PIK3C2G: variants seen among roughly 807,000 people sequenced by gnomAD.
The protein encoded by PIK3C2G is phosphatidylinositol-4-phosphate 3-kinase catalytic subunit type 2 gamma, also known as phosphatidylinositol 3-kinase C2 domain-containing subunit gamma.
Under a neutral mutation model 181.1 loss-of-function variants are expected in PIK3C2G, and 168 were observed. The observed-to-expected ratio is 0.93, with a 90% confidence interval of 0.82 to 1.05. The LOEUF is 1.05. Ranked by LOEUF, PIK3C2G falls within the 50% of genes least tolerant of loss-of-function variation. The probability of loss-of-function intolerance (pLI) is 0.00; values close to 1 mark genes in which losing one functional copy is unlikely to be tolerated. For synonymous variants in PIK3C2G, 573 were observed against 592.2 expected, an observed-to-expected ratio of 0.97 and a Z score of 0.47; for missense variants, 1,869 against 1,732.8, an observed-to-expected ratio of 1.08 and a Z score of -1.40.
intron 1 of PIK3C2G, among the ~76,000 whole-genome samples, chr12:18,277,680 G>A (rs947206484): frequency 2.0e-5 from 3 of 152,062 alleles, no homozygotes; most frequent in Non-Finnish European, 4.4e-5. Flanking sequence ...TCTCAGAAAG[G>A]TTCCTTTTTT....
At chr12:18,619,364 A>C (rs1377129892) in intron 31 of PIK3C2G, among the ~76,000 whole-genome samples, 1 of 152,076 alleles carries the variant, frequency 6.6e-6, no homozygotes, top group Non-Finnish European at 1.5e-5. Flanking sequence ...TAATAAAAAA[A>C]CACAAAGAAT....
chr12:18,527,354 A>C (rs1341692127), intron 24 of PIK3C2G, among the ~76,000 whole-genome samples: 1 of 152,206 alleles, frequency 6.6e-6, no homozygotes, highest in Non-Finnish European at 1.5e-5. Flanking sequence ...TTGCTGGGGG[A>C]AACAACTATG....
chr12:18,440,911 G>C (rs1293828508), intron 18 of PIK3C2G, among the ~76,000 whole-genome samples: 1 of 152,006 alleles, frequency 6.6e-6, no homozygotes, highest in Non-Finnish European at 1.5e-5. Context: ...CTAAAAATGA[G>C]AAAATTATCA....
the PIK3C2G span, among the ~76,000 whole-genome samples, chr12:18,711,377 A>C: frequency 2.2e-5 from 2 of 92,212 alleles, no homozygotes; most frequent in Non-Finnish European, 3.9e-5. Context: ...CACTCTGGGG[A>C]CTGTTGTGGG....
At chr12:18,261,450 C>T (rs1948230181), upstream of PIK3C2G, 1 of 151,800 alleles carries the variant, frequency 6.6e-6, no homozygotes, top group Admixed American at 6.6e-5. Context: ...ACCTGCCAAA[C>T]AGGAATAAAA....
chr12:18,617,700 T>TTAA (rs1948667707), intron 31 of PIK3C2G, among the ~76,000 whole-genome samples: 9 of 152,234 alleles, frequency 5.9e-5, no homozygotes, highest in Admixed American at 5.2e-4. Context: ...GCCTGGCTCA[T>TTAA]CAAAAACAGT....
At chr12:18,461,583 G>A (rs1381239891) in intron 18 of PIK3C2G, among the ~76,000 whole-genome samples, 2 of 152,182 alleles carry the variant, frequency 1.3e-5, no homozygotes, top group Non-Finnish European at 2.9e-5. Flanking sequence ...AAGACCAGCT[G>A]TTTCCTGCAT....
At chr12:18,474,780 T>A (rs1938809478) in intron 18 of PIK3C2G, among the ~76,000 whole-genome samples, 1 of 152,170 alleles carries the variant, frequency 6.6e-6, no homozygotes, top group African/African-American at 2.4e-5. Flanking sequence ...ATGTAAATAT[T>A]TGATTCATAA....
intron 6 of PIK3C2G, chr12:18,320,212 C>T (rs575581685): frequency 1.3e-5 from 2 of 152,268 alleles, no homozygotes; most frequent in African/African-American, 4.8e-5. Context: ...TTAATGCCAC[C>T]GTGTGGTGAA....
intron 4 of PIK3C2G, 30 bp downstream of exon 4, chr12:18,291,042 T>A (rs778947873): frequency 1.3e-6 from 2 of 1,484,480 alleles, no homozygotes; most frequent in South Asian, 2.4e-5. Flanking sequence ...AGTCTACAAA[T>A]CTATACAAAG....
chr12:18,694,740 C>T, the PIK3C2G span, among the ~76,000 whole-genome samples: 2 of 152,082 alleles, frequency 1.3e-5, no homozygotes, highest in African/African-American at 4.8e-5. Context: ...AACAGGAAGA[C>T]ATTTTTCAGA....
intron 15 of PIK3C2G, among the ~76,000 whole-genome samples, chr12:18,398,207 G>A (rs958604146): frequency 3.9e-5 from 6 of 151,906 alleles, no homozygotes; most frequent in Admixed American, 6.6e-5. Flanking sequence ...CTGAAGCTGC[G>A]GAATGTCCTT....
chr12:18,620,910 A>G (rs1397001757), intron 31 of PIK3C2G, among the ~76,000 whole-genome samples: 2 of 152,114 alleles, frequency 1.3e-5, no homozygotes, highest in Non-Finnish European at 2.9e-5. Context: ...ACCATGATAA[A>G]AACTGTTTAG....
At chr12:18,563,356 C>G in intron 27 of PIK3C2G, 21 bp from the exon 28 acceptor site, 1 of 1,591,274 alleles carries the variant, frequency 6.3e-7, no homozygotes, top group Non-Finnish European at 8.6e-7. Flanking sequence ...CTTTTGATTT[C>G]TATCTATTTA....
intron 1 of PIK3C2G, among the ~76,000 whole-genome samples, chr12:18,249,190 T>C (rs559732911): frequency 3.9e-4 from 60 of 152,302 alleles, no homozygotes; most frequent in Non-Finnish European, 6.8e-4. Flanking sequence ...CTAAGGTGAC[T>C]GATATTTTAA....
upstream of PIK3C2G, among the ~76,000 whole-genome samples, chr12:18,259,058 G>C (rs985523634): frequency 3.3e-5 from 5 of 152,024 alleles, no homozygotes; most frequent in African/African-American, 1.2e-4. Context: ...ACCTGTATCT[G>C]CCTTCATTTG....
At chr12:18,334,206 T>C (rs1393374083) in intron 8 of PIK3C2G, among the ~76,000 whole-genome samples, 1 of 152,154 alleles carries the variant, frequency 6.6e-6, no homozygotes, top group Non-Finnish European at 1.5e-5. Flanking sequence ...CTTCTCTAAA[T>C]ATCCCTGATT....
chr12:18,345,033 AAAGCTTAAATTAAT>A lies in PIK3C2G; in HGVS notation c.1430-1605_1430-1592del, dbSNP rs1939533803. On this transcript the variant is annotated intron_variant, in intron 10 of 32. Coordinates refer to ENST00000538779, the MANE Select transcript of PIK3C2G (RefSeq NM_001288772.2). Reference sequence around the variant, plus strand: ...CTAAGTTTTCCCCAAAATATACGCTAAAGCTTAAATTAATAAATCAAATTTATGATTTATTTTAG... The same window carrying A: ...CTAAGTTTTCCCCAAAATATACGCTAAAATCAAATTTATGATTTATTTTAG... Among the ~76,000 whole-genome samples the A allele has an allele frequency of 2.0e-5, 3 of 152,316 alleles. No homozygotes were observed. The South Asian group carries it at 6.2e-4, about 32-fold the overall frequency.
chr12:18,688,239 A>G, the PIK3C2G span: 2 of 1,587,908 alleles, frequency 1.3e-6, no homozygotes, highest in African/African-American at 1.3e-5. Context: ...ATATATGAAT[A>G]TAAGAATTTA....
Sources: gnomAD v4.1 joint callset for allele counts (sites outside exome capture counted in the v4.1 genomes callset) on GRCh38, gnomAD v4.1.1 for gene constraint, MANE v1.5 for transcripts, NCBI Gene and HGNC (gene_info 2026-07-23, HGNC 2026-07-21) for gene names.